Variants in CDH12 observed in about 807,000 individuals in gnomAD.
CDH12 encodes cadherin-12.
CDH12 carries 41 observed loss-of-function variants against 74.1 expected under a neutral mutation model. The observed-to-expected ratio is 0.55, with a 90% CI of 0.43 to 0.72. CDH12 has a LOEUF of 0.72. Ranked by LOEUF, CDH12 falls within the 30% of genes least tolerant of loss-of-function variation. CDH12 has a pLI of 0.00. For synonymous variants in CDH12, 399 were observed against 355.0 expected, an observed-to-expected ratio of 1.12 and a Z score of -1.39; for missense variants, 945 against 977.2, an observed-to-expected ratio of 0.97 and a Z score of 0.44.
At position 22,756,327 on chromosome 5, in the gene CDH12, C is replaced by T. The variant is rs541801817; in HGVS notation, c.-523+96731G>A. 3.5e-4 allele frequency among the ~76,000 whole-genome samples: 53 copies of T among 152,094 alleles called. 1 individual carries two copies. The highest frequency in any genetic ancestry group is 1.3e-3 in the African/African-American group (52 of 41,516). On this transcript the variant is annotated intron_variant, in intron 1 of 14. Coordinates refer to ENST00000382254, the MANE Select transcript of CDH12 (RefSeq NM_004061.5). ...GTAACATTCAAAGATACATAAGTTC[C>T]CTTTAGAAACCTTTATTTAGTTAGG...
chr5:22,654,268 T>C (rs544399742), intron 1 of CDH12, among the ~76,000 whole-genome samples: 2 of 151,804 alleles, frequency 1.3e-5, no homozygotes, highest in Admixed American at 1.3e-4. Context: ...CTTGCTTTCT[T>C]TCTTTTACGT....
intron 3 of CDH12, among the ~76,000 whole-genome samples, chr5:22,327,631 A>G (rs1216585131): frequency 2.6e-5 from 4 of 152,194 alleles, no homozygotes; most frequent in African/African-American, 9.7e-5. Context: ...CTGGACAAAA[A>G]GAAATAAATA....
chr5:21,892,578 C>A (rs1752944615), intron 6 of CDH12, among the ~76,000 whole-genome samples: 1 of 152,080 alleles, frequency 6.6e-6, no homozygotes, highest in Admixed American at 6.6e-5. Context: ...GCCACAAATT[C>A]TTCTTGTGGC....
chr5:22,738,267 G>A (rs1460127058), intron 1 of CDH12, among the ~76,000 whole-genome samples: 1 of 152,016 alleles, frequency 6.6e-6, no homozygotes, highest in African/African-American at 2.4e-5. Context: ...CTATGGTAAT[G>A]GTCTAATTTT....
chr5:21,832,976 T>C (rs1435815312), intron 8 of CDH12, among the ~76,000 whole-genome samples: 1 of 93,760 alleles, frequency 1.1e-5, no homozygotes, highest in Middle Eastern at 0.015. Flanking sequence ...TATGATATAA[T>C]ATATATAATA....
At chr5:21,994,859 A>G (rs1298793841) in intron 5 of CDH12, among the ~76,000 whole-genome samples, 1 of 149,922 alleles carries the variant, frequency 6.7e-6, no homozygotes, top group African/African-American at 2.5e-5. Flanking sequence ...GCACTCTGTA[A>G]AATGGACCAA....
In CDH12 at chr5:22,442,857, T is replaced by C. The variant is rs756790468; in HGVS notation, c.-427-37506A>G. Among the ~76,000 whole-genome samples, 59 of 152,186 alleles carry C rather than the reference T, an allele frequency of 3.9e-4. 1 individual carries two copies. Among genetic ancestry groups the C allele is most frequent in the Non-Finnish European group, 7.3e-5 (5 of 68,042 alleles). ...GTACTTCTGGTTCGCAACTTGGGTA[T>C]ATATAACATCATTGAATAATCAGTC... On this transcript the variant is annotated intron_variant, in intron 2 of 14. Transcript: ENST00000382254.
At chr5:22,475,412 T>C (rs1342594053) in intron 2 of CDH12, among the ~76,000 whole-genome samples, 1 of 151,942 alleles carries the variant, frequency 6.6e-6, no homozygotes, top group Non-Finnish European at 1.5e-5. Context: ...TAATTTATAT[T>C]TTAGGTGAAA....
At chr5:22,019,843 A>G (rs1222851924) in intron 5 of CDH12, among the ~76,000 whole-genome samples, 1 of 152,140 alleles carries the variant, frequency 6.6e-6, no homozygotes, top group Non-Finnish European at 1.5e-5. Context: ...GATGAGAGGA[A>G]TTTTCTAAAC....
At chr5:22,209,791 T>C (rs1751427491) in intron 4 of CDH12, among the ~76,000 whole-genome samples, 1 of 152,136 alleles carries the variant, frequency 6.6e-6, no homozygotes, top group Non-Finnish European at 1.5e-5. Context: ...ATATGATTAC[T>C]CTGTACTATC....
chr5:22,283,226 ATATATATATAT>A (rs1302475621), intron 3 of CDH12, among the ~76,000 whole-genome samples: 2 of 103,024 alleles, frequency 1.9e-5, no homozygotes, highest in African/African-American at 1.1e-4. Flanking sequence ...AGATATATAT[ATATATATATAT>A]ATATATATAT....
chr5:22,408,286 G>T (rs1743023913), intron 2 of CDH12, among the ~76,000 whole-genome samples: 2 of 150,134 alleles, frequency 1.3e-5, no homozygotes, highest in Admixed American at 6.6e-5. Context: ...TTAGGGGTGG[G>T]GGTTATTGAA....
At chr5:22,082,049 A>C (rs1742766305) in intron 4 of CDH12, among the ~76,000 whole-genome samples, 1 of 152,188 alleles carries the variant, frequency 6.6e-6, no homozygotes, top group African/African-American at 2.4e-5. Flanking sequence ...CAATCTGAAC[A>C]CATCTCTGTT....
chr5:22,246,332 G>A (rs1419880887), intron 3 of CDH12, among the ~76,000 whole-genome samples: 1 of 151,996 alleles, frequency 6.6e-6, no homozygotes, highest in African/African-American at 2.4e-5. Flanking sequence ...TTCACGTAAA[G>A]ATAATATCAA....
At chr5:22,167,144 T>C (rs1748731537) in intron 4 of CDH12, among the ~76,000 whole-genome samples, 1 of 152,190 alleles carries the variant, frequency 6.6e-6, no homozygotes, top group Non-Finnish European at 1.5e-5. Context: ...GACCTCAATT[T>C]GTTTAGATTA....
intron 1 of CDH12, among the ~76,000 whole-genome samples, chr5:22,507,032 A>G (rs3887280): frequency 0.39 from 59,304 of 152,044 alleles, 11,920 homozygotes; most frequent in Non-Finnish European, 0.44. Flanking sequence ...GGACATGTTT[A>G]TGATGCCTGA....
chr5:22,840,192 C>T (rs764227668), intron 1 of CDH12, among the ~76,000 whole-genome samples: 63 of 152,106 alleles, frequency 4.1e-4, no homozygotes, highest in Non-Finnish European at 6.2e-4. Flanking sequence ...ACGATCTTGG[C>T]GCGCTGCAAC....
chr5:22,001,210 A>G (rs1736581761), intron 5 of CDH12, among the ~76,000 whole-genome samples: 2 of 152,174 alleles, frequency 1.3e-5, no homozygotes, highest in South Asian at 4.1e-4. Flanking sequence ...ATTTTAAGCA[A>G]TGTCTTTAAC....
chr5:22,450,195 T>C (rs2126560470), intron 2 of CDH12, among the ~76,000 whole-genome samples: 1 of 152,116 alleles, frequency 6.6e-6, no homozygotes, highest in Non-Finnish European at 1.5e-5. Context: ...AAGCGAAACC[T>C]GCATTATGTT....
Sources: allele counts gnomAD v4.1 joint callset (sites outside exome capture counted in the v4.1 genomes callset), GRCh38; gene constraint gnomAD v4.1.1; transcripts MANE v1.5; gene names NCBI Gene and HGNC (gene_info 2026-07-23, HGNC 2026-07-21).